STK32B: variants seen among roughly 807,000 people sequenced by gnomAD.
STK32B encodes the protein serine/threonine kinase 32B, also known as serine/threonine-protein kinase 32B.
Under a neutral mutation model 52.6 loss-of-function variants are expected in STK32B, and 43 were observed. The observed-to-expected ratio is 0.82, with a 90% CI of 0.64 to 1.05. The LOEUF (loss-of-function observed/expected upper bound fraction) is 1.05, where lower values mean the gene tolerates loss of function less well. STK32B is among the 50% of genes least tolerant of loss of function. The probability of loss-of-function intolerance (pLI) is 0.00; values close to 1 mark genes in which losing one functional copy is unlikely to be tolerated. For synonymous variants in STK32B, 238 were observed against 204.3 expected, an observed-to-expected ratio of 1.17 and a Z score of -1.41; for missense variants, 621 against 534.6, an observed-to-expected ratio of 1.16 and a Z score of -1.59.
chr4:5,492,212 C>T (rs1268485683), intron 11 of STK32B, among the ~76,000 whole-genome samples: 11 of 152,148 alleles, frequency 7.2e-5, no homozygotes, highest in African/African-American at 1.9e-4. Context: ...TACCCATGAG[C>T]ATGGAATGTT....
the STK32B span, among the ~76,000 whole-genome samples, chr4:5,026,969 G>A: frequency 6.6e-5 from 10 of 152,166 alleles, no homozygotes; most frequent in Non-Finnish European, 1.3e-4. Context: ...ACACATCAAC[G>A]CTTGCAAAGA....
intron 4 of STK32B, among the ~76,000 whole-genome samples, chr4:5,366,442 G>A (rs550830477): frequency 3.8e-4 from 58 of 152,338 alleles, no homozygotes; most frequent in African/African-American, 1.2e-3. Context: ...CTGAGTCACA[G>A]GAACAAGCTT....
chr4:5,494,259 G>A (rs553490108), intron 11 of STK32B, among the ~76,000 whole-genome samples: 4 of 152,278 alleles, frequency 2.6e-5, no homozygotes, highest in Admixed American at 2.6e-4. Flanking sequence ...GAATCTGGGT[G>A]CTCCTGTATT....
At chr4:5,431,615 AC>A (rs1713592452) in intron 6 of STK32B, among the ~76,000 whole-genome samples, 1 of 151,926 alleles carries the variant, frequency 6.6e-6, no homozygotes, top group Non-Finnish European at 1.5e-5. Context: ...TTACGTATTT[AC>A]TCATTAGCCA....
chr4:5,135,706 G>A (rs1716033745), intron 1 of STK32B, among the ~76,000 whole-genome samples: 1 of 152,158 alleles, frequency 6.6e-6, no homozygotes, highest in African/African-American at 2.4e-5. Context: ...TCACAAGATG[G>A]TTGTTGCAGC....
intron 4 of STK32B, among the ~76,000 whole-genome samples, chr4:5,368,015 G>A (rs1425999147): frequency 6.6e-6 from 1 of 152,030 alleles, no homozygotes; most frequent in Admixed American, 6.6e-5. Context: ...TGGAGGTCAG[G>A]GTCTGCCTCT....
the STK32B span, among the ~76,000 whole-genome samples, chr4:5,020,386 C>T: frequency 1.3e-5 from 2 of 152,200 alleles, no homozygotes; most frequent in Non-Finnish European, 2.9e-5. Flanking sequence ...GAGGAATCAA[C>T]AGGATATAGC....
chr4:5,413,721 A>C (rs899012701), intron 5 of STK32B, among the ~76,000 whole-genome samples: 2 of 152,250 alleles, frequency 1.3e-5, no homozygotes, highest in African/African-American at 4.8e-5. Flanking sequence ...TGTATCTTGA[A>C]GACAAGGAGC....
intron 1 of STK32B, among the ~76,000 whole-genome samples, chr4:5,090,064 T>G (rs1712985745): frequency 6.6e-6 from 1 of 152,130 alleles, no homozygotes; most frequent in Non-Finnish European, 1.5e-5. Flanking sequence ...ATGGGGTTGT[T>G]TTTTCTTGTA....
intron 2 of STK32B, among the ~76,000 whole-genome samples, chr4:5,167,464 C>T (rs1477702261): frequency 6.6e-6 from 1 of 152,058 alleles, no homozygotes; most frequent in Non-Finnish European, 1.5e-5. Context: ...CCTGTGCTCC[C>T]CCAGAACCCA....
In STK32B at chr4:5,498,953, GGCA is replaced by G; in HGVS notation, c.1120_1122del (p.Gln374del). ...TCTGTGCTTGTTTGCAGGCTCAGGAGGCAGCAGGGACAGGGCAGCCAGCTCTTG... is the reference window on the plus strand; with the variant it reads ...TCTGTGCTTGTTTGCAGGCTCAGGAGGCAGGGACAGGGCAGCCAGCTCTTG... On this transcript the variant is annotated inframe_deletion, in exon 12 of 12. Coordinates refer to ENST00000282908, the MANE Select transcript of STK32B (RefSeq NM_018401.3). 1 of 1,612,158 alleles carries G rather than the reference GGCA, an allele frequency of 6.2e-7. No individual in the cohort carries two copies. Among genetic ancestry groups the G allele is most frequent in the Non-Finnish European group, 8.5e-7 (1 of 1,178,926 alleles).
At chr4:5,075,378 T>A (rs1325651782) in intron 1 of STK32B, among the ~76,000 whole-genome samples, 1 of 152,226 alleles carries the variant, frequency 6.6e-6, no homozygotes, top group African/African-American at 2.4e-5. Flanking sequence ...GTCCATGACA[T>A]TGATTCCTTG....
rs936259860 is a variant in STK32B at position 5,395,750 on chromosome 4, A to G, written c.435-2457A>G. 5.3e-5 allele frequency among the ~76,000 whole-genome samples: 8 copies of G among 152,242 alleles called. No individual in the cohort carries two copies. The highest frequency in any genetic ancestry group is 1.0e-4 in the Non-Finnish European group (7 of 68,046). On this transcript the variant is annotated intron_variant, in intron 4 of 11. Coordinates refer to ENST00000282908, the MANE Select transcript of STK32B (RefSeq NM_018401.3). The surrounding 1 kb of genome is among the most constrained non-coding windows in gnomAD (Gnocchi z 4.4). ...TATCAGGTATTTAATCCACACAGCA[A>G]AGGAAACTGAAGCAGAGGCAGAGAT...
chr4:5,303,937 C>T (rs1729744286), intron 3 of STK32B, among the ~76,000 whole-genome samples: 1 of 152,098 alleles, frequency 6.6e-6, no homozygotes, highest in African/African-American at 2.4e-5. Context: ...AAGAGGTTGT[C>T]TTTTCCCCAC....
chr4:5,338,226 A>ACAC (rs770291428), intron 4 of STK32B, among the ~76,000 whole-genome samples: 3,791 of 152,212 alleles, frequency 0.025, 71 homozygotes, highest in South Asian at 0.064. Context: ...CTTTGATACA[A>ACAC]ATAACAGAAA....
At chr4:5,269,024 G>C (rs1727239460) in intron 3 of STK32B, among the ~76,000 whole-genome samples, 1 of 152,118 alleles carries the variant, frequency 6.6e-6, no homozygotes, top group Non-Finnish European at 1.5e-5. Context: ...AACTGAGGAA[G>C]AGCCCAGGGG....
intron 3 of STK32B, among the ~76,000 whole-genome samples, chr4:5,270,312 G>A (rs1388798142): frequency 6.6e-6 from 1 of 152,178 alleles, no homozygotes; most frequent in Non-Finnish European, 1.5e-5. Flanking sequence ...GATGCTCGAA[G>A]GCAGGAAGCA....
intron 6 of STK32B, 22 bp downstream of exon 6, chr4:5,416,956 T>C (rs1287444815): frequency 1.9e-5 from 30 of 1,599,970 alleles, no homozygotes; most frequent in African/African-American, 2.7e-5. Context: ...AGGCCCCTTC[T>C]TTTCATGTGA....
intron 3 of STK32B, among the ~76,000 whole-genome samples, chr4:5,205,277 G>A (rs539477843): frequency 1.3e-5 from 2 of 152,112 alleles, no homozygotes; most frequent in African/African-American, 2.4e-5. Context: ...AGCTTTTCTG[G>A]TGTCCAGCTT....
Sources: allele counts gnomAD v4.1 joint callset (sites outside exome capture counted in the v4.1 genomes callset), GRCh38; gene constraint gnomAD v4.1.1; non-coding constraint Gnocchi (gnomAD v3.1); transcripts MANE v1.5; gene names NCBI Gene and HGNC (gene_info 2026-07-23, HGNC 2026-07-21).